Variants in TMEM132B observed in about 807,000 individuals in gnomAD.
TMEM132B encodes transmembrane protein 132B.
In TMEM132B, 18 loss-of-function variants were observed where a neutral mutation model predicts 90.8. The observed-to-expected ratio is 0.20, with a 90% CI of 0.14 to 0.29. The LOEUF (loss-of-function observed/expected upper bound fraction) is 0.29. Ranked by LOEUF, TMEM132B falls within the 10% of genes least tolerant of loss-of-function variation. The pLI is 1.00. For missense variants in TMEM132B, 1,096 were observed against 1,326.8 expected, an observed-to-expected ratio of 0.83 and a Z score of 2.70; for synonymous variants, 504 against 523.3, an observed-to-expected ratio of 0.96 and a Z score of 0.50.
At chr12:125,198,032 TG>T (rs1409042960) in intron 1 of TMEM132B, among the ~76,000 whole-genome samples, 1 of 152,218 alleles carries the variant, frequency 6.6e-6, no homozygotes, top group Non-Finnish European at 1.5e-5. Flanking sequence ...TGGAGGGAAC[TG>T]ATCAGTGATT....
intron 3 of TMEM132B, among the ~76,000 whole-genome samples, chr12:125,424,187 T>G (rs1880250346): frequency 6.6e-6 from 1 of 152,228 alleles, no homozygotes. Context: ...TTTAAAATAT[T>G]TTTTCTTTTG....
intron 3 of TMEM132B, among the ~76,000 whole-genome samples, chr12:125,512,544 T>A (rs1883008290): frequency 6.6e-6 from 1 of 152,160 alleles, no homozygotes; most frequent in East Asian, 1.9e-4. Context: ...AGTCCTAGAT[T>A]TTTTTTAAAG....
At chr12:125,404,701 G>A (rs1162441270) in intron 2 of TMEM132B, among the ~76,000 whole-genome samples, 1 of 152,106 alleles carries the variant, frequency 6.6e-6, no homozygotes, top group East Asian at 1.9e-4. Context: ...GTTATCCAAG[G>A]CCTCACAGCT....
chr12:125,465,822 C>T (rs1273082751), intron 3 of TMEM132B, among the ~76,000 whole-genome samples: 1 of 152,314 alleles, frequency 6.6e-6, no homozygotes, highest in East Asian at 1.9e-4. Context: ...TACTGAGTTA[C>T]ATGAGATTTG....
chr12:125,424,863 T>C (rs1880270104), intron 3 of TMEM132B, among the ~76,000 whole-genome samples: 1 of 151,414 alleles, frequency 6.6e-6, no homozygotes, highest in African/African-American at 2.4e-5. Context: ...GGAGGGTGAA[T>C]GAGGGGTAGG....
rs147886060 is a variant in TMEM132B, at chr12:125,345,061, A to C, written c.68-4391A>C. Among the ~76,000 whole-genome samples, 354 of 152,238 alleles carry C rather than the reference A, an allele frequency of 2.3e-3. 2 individuals are homozygous for C. Among genetic ancestry groups the C allele is most frequent in the African/African-American group, 8.1e-3 (338 of 41,532 alleles). ...TTCCCGCGGTACCCAGGTGGTAGTG[A>C]ATTGTATCAGTTGTTAGGGCCACAT... On this transcript the variant is annotated intron_variant, in intron 1 of 8. Transcript: ENST00000682704.
At chr12:125,307,204 G>A (rs1286860943) in intron 1 of TMEM132B, among the ~76,000 whole-genome samples, 4 of 152,146 alleles carry the variant, frequency 2.6e-5, no homozygotes, top group Non-Finnish European at 5.9e-5. Flanking sequence ...TATTTCATTG[G>A]TGGTCTTTCT....
chr12:125,429,686 T>C (rs1480410329), intron 3 of TMEM132B, among the ~76,000 whole-genome samples: 1 of 152,198 alleles, frequency 6.6e-6, no homozygotes, highest in East Asian at 1.9e-4. Context: ...TGTCCGATTA[T>C]TTTTAACTTA....
intron 1 of TMEM132B, among the ~76,000 whole-genome samples, chr12:125,282,733 C>T (rs1875233028): frequency 6.6e-6 from 1 of 152,216 alleles, no homozygotes; most frequent in Admixed American, 6.5e-5. Flanking sequence ...AATCTTTTGA[C>T]CTCTCTGAGC....
intron 3 of TMEM132B, among the ~76,000 whole-genome samples, chr12:125,456,983 G>A (rs2136462055): frequency 6.6e-6 from 1 of 152,246 alleles, no homozygotes; most frequent in East Asian, 1.9e-4. Context: ...AGACACACAT[G>A]CTGCCCAAAT....
intron 1 of TMEM132B, among the ~76,000 whole-genome samples, chr12:125,315,341 G>A (rs1046144020): frequency 3.9e-5 from 6 of 152,208 alleles, no homozygotes; most frequent in Non-Finnish European, 5.9e-5. Flanking sequence ...TGGGATTACA[G>A]GCGCCCACCA....
intron 5 of TMEM132B, among the ~76,000 whole-genome samples, chr12:125,612,926 T>TTGTA (rs375481665): frequency 0.72 from 466 of 646 alleles, 149 homozygotes; most frequent in South Asian, 0.88. Flanking sequence ...TATTTATATA[T>TTGTA]TAAAAATATA....
intron 2 of TMEM132B, among the ~76,000 whole-genome samples, chr12:125,376,389 C>T (rs146172378): frequency 6.6e-6 from 1 of 152,132 alleles, no homozygotes; most frequent in Non-Finnish European, 1.5e-5. Context: ...AGATGGTACC[C>T]ATGCTAAAGC....
Position 125,225,821 on chromosome 12 carries a change from T to C in TMEM132B, c.67+38955T>C, listed in dbSNP as rs181355939. ...TAGTGCACCTCCTTCTTACTTGCGT[T>C]CCATTAATTCAGGCTCAGTCACATG... On this transcript the variant is annotated intron_variant, in intron 1 of 8. Transcript: ENST00000682704. Among the ~76,000 whole-genome samples, 101 of 152,278 alleles carry C rather than the reference T, an allele frequency of 6.6e-4. No homozygotes were observed. The Middle Eastern group carries it at 0.01, about 15-fold the overall frequency.
intron 6 of TMEM132B, 49 bp downstream of exon 6, chr12:125,644,330 A>T (rs767690289): frequency 6.3e-7 from 1 of 1,590,850 alleles, no homozygotes; most frequent in Non-Finnish European, 8.6e-7. Context: ...TGGAGTCCAG[A>T]TCTTTGTGGG....
At chr12:125,589,993 A>T (rs1003071358) in intron 5 of TMEM132B, among the ~76,000 whole-genome samples, 1 of 152,010 alleles carries the variant, frequency 6.6e-6, no homozygotes, top group African/African-American at 2.4e-5. Flanking sequence ...CGGATCCCTC[A>T]TGAATGGCTT....
intron 3 of TMEM132B, among the ~76,000 whole-genome samples, chr12:125,517,351 T>TGG (rs1883191000): frequency 9.7e-6 from 1 of 103,370 alleles, no homozygotes; most frequent in Non-Finnish European, 2.0e-5. Context: ...TTTTTTTTTT[T>TGG]TTTTTTTTTT....
intron 1 of TMEM132B, among the ~76,000 whole-genome samples, chr12:125,298,407 C>T (rs1164061177): frequency 7.6e-6 from 1 of 131,446 alleles, no homozygotes; most frequent in Non-Finnish European, 1.6e-5. Context: ...GGCATGGTGG[C>T]TTACACCTGT....
In TMEM132B at chr12:125,655,465, A is replaced by G. The variant is rs1241743000; in HGVS notation, c.*755A>G. ...TTGAACTTTCTTGTATAACACTGGG[A>G]CAAAGGGTTTTACTTAAAATGTTAA... On this transcript the variant is annotated 3_prime_UTR_variant, in exon 9 of 9. Coordinates refer to ENST00000682704, the MANE Select transcript of TMEM132B (RefSeq NM_001366854.1). The G allele has an allele frequency of 6.6e-6, 1 of 152,194 alleles. No homozygotes were observed. The highest frequency in any genetic ancestry group is 1.5e-5 in the Non-Finnish European group (1 of 68,028). The allele number at this position is 152,194 out of a possible 1,614,324, so 9.4% of individuals were successfully genotyped here.
Sources: allele counts gnomAD v4.1 joint callset (sites outside exome capture counted in the v4.1 genomes callset), GRCh38; gene constraint gnomAD v4.1.1; transcripts MANE v1.5; gene names NCBI Gene and HGNC (gene_info 2026-07-23, HGNC 2026-07-21).